Variants in HPD observed in about 807,000 individuals in gnomAD.
The protein encoded by HPD is 4-hydroxyphenylpyruvate dioxygenase, also known as 4-hydroxyphenylpyruvic acid oxidase.
A neutral mutation model predicts 56.9 loss-of-function variants in HPD; 35 were observed. The observed-to-expected ratio is 0.62, with a 90% CI of 0.47 to 0.82. The LOEUF is 0.82. Ranked by LOEUF, HPD falls within the 40% of genes least tolerant of loss-of-function variation. The pLI, the probability that HPD is intolerant of heterozygous loss-of-function variation, is 0.00. For missense variants in HPD, 442 were observed against 506.8 expected (o/e 0.87, Z 1.23); for synonymous variants, 186 against 200.2 (o/e 0.93, Z 0.60).
chr12:121,845,580 G>A (rs544579293), intron 11 of HPD, among the ~76,000 whole-genome samples: 6 of 143,226 alleles, frequency 4.2e-5, no homozygotes, highest in Non-Finnish European at 6.0e-5. Flanking sequence ...CAGCCTGGGC[G>A]ACAGAGCCAG....
At chr12:121,859,303 C>T (rs769724006), upstream of HPD, 6 of 260,646 alleles carry the variant, frequency 2.3e-5, no homozygotes, top group African/African-American at 6.6e-5. Context: ...TGCATCCTGG[C>T]TCTGTTACAT....
At chr12:121,849,656 T>G in intron 8 of HPD, 31 bp downstream of exon 8, 3 of 1,427,200 alleles carry the variant, frequency 2.1e-6, no homozygotes, top group Non-Finnish European at 3.0e-6. Flanking sequence ...CTCAGGGCTT[T>G]CCACCCACCT....
At chr12:121,840,491 G>A (rs1207506082) in intron 12 of HPD, among the ~76,000 whole-genome samples, 1 of 151,934 alleles carries the variant, frequency 6.6e-6, no homozygotes, top group African/African-American at 2.4e-5. Context: ...AGTAAGACGG[G>A]GTTTCACGAT....
At chr12:121,886,547 C>T in the HPD span, among the ~76,000 whole-genome samples, 3 of 150,616 alleles carry the variant, frequency 2.0e-5, no homozygotes, top group Non-Finnish European at 4.4e-5. Flanking sequence ...CATGCTTATA[C>T]TCTTCACGTG....
chr12:121,864,853 A>C (rs1024906928), upstream of HPD, among the ~76,000 whole-genome samples: 67 of 89,644 alleles, frequency 7.5e-4, 1 homozygote, highest in Non-Finnish European at 1.7e-4. Flanking sequence ...ACTCCGTCTC[A>C]AAAACAACAA....
At chr12:121,882,422 C>G in the HPD span, among the ~76,000 whole-genome samples, 7 of 152,106 alleles carry the variant, frequency 4.6e-5, no homozygotes, top group African/African-American at 1.7e-4. Flanking sequence ...TGAAGTTCTC[C>G]TAGATCTTGG....
At chr12:121,858,734 A>G (rs761290685) in intron 1 of HPD, 21 bp from the exon 2 acceptor site, 7 of 1,614,060 alleles carry the variant, frequency 4.3e-6, no homozygotes, top group Non-Finnish European at 5.9e-6. Flanking sequence ...AAAGAAGGAC[A>G]GTGAGACTTG....
At chr12:121,886,739 T>G in the HPD span, among the ~76,000 whole-genome samples, 6,344 of 152,160 alleles carry the variant, frequency 0.042, 422 homozygotes, top group African/African-American at 0.14. Flanking sequence ...ACTGAGGAAA[T>G]TTAACACTGA....
At chr12:121,868,668 G>A in the HPD span, among the ~76,000 whole-genome samples, 1 of 151,712 alleles carries the variant, frequency 6.6e-6, no homozygotes, top group Non-Finnish European at 1.5e-5. Context: ...TTACAGGCCT[G>A]TGCCCCCATG....
In HPD at chr12:121,854,127, G is replaced by A. The variant is rs1318219601; in HGVS notation, c.414+576C>T. On this transcript the variant is annotated intron_variant, in intron 7 of 13. Coordinates refer to ENST00000289004, the MANE Select transcript of HPD (RefSeq NM_002150.3). Reference sequence around the variant, plus strand: ...AAAAATTAGCCGGGCATGGTGGCACGCACTTGTGGTCCCAACTACTCGGGA... The same window carrying A: ...AAAAATTAGCCGGGCATGGTGGCACACACTTGTGGTCCCAACTACTCGGGA... Among the ~76,000 whole-genome samples the A allele has an allele frequency of 1.1e-4, 17 of 151,718 alleles. No homozygotes were observed. In the South Asian group the frequency reaches 1.3e-3, roughly 11 times the overall value.
At chr12:121,875,984 C>A in the HPD span, among the ~76,000 whole-genome samples, 1 of 152,010 alleles carries the variant, frequency 6.6e-6, no homozygotes, top group South Asian at 2.1e-4. Context: ...AGAGAAGAGA[C>A]AGCATTGGTG....
upstream of HPD, among the ~76,000 whole-genome samples, chr12:121,862,856 A>AT (rs1878218797): frequency 6.8e-6 from 1 of 147,636 alleles, no homozygotes; most frequent in South Asian, 2.1e-4. Flanking sequence ...AATGTTTTGT[A>AT]TTTTTAGTAG....
upstream of HPD, chr12:121,863,661 T>A (rs1878243990): frequency 6.6e-6 from 1 of 152,112 alleles, no homozygotes; most frequent in Admixed American, 6.6e-5. Context: ...ACACCTGTAA[T>A]CCCAGCACTT....
rs190080957 is a variant in HPD at position 121,848,604 on chromosome 12, G to A, written c.596+395C>T. On this transcript the variant is annotated intron_variant, in intron 9 of 13. Transcript: ENST00000289004. ...TGGGATTACAGGCGTGAGCAAGTGC[G>A]CCCGGTCTATTTTATTTTATTTGTT... Among the ~76,000 whole-genome samples the A allele has an allele frequency of 2.3e-3, 342 of 151,454 alleles. 1 individual carries two copies. The highest frequency in any genetic ancestry group is 7.9e-3 in the African/African-American group (324 of 41,162).
chr12:121,847,024 C>T (rs1877609438), intron 10 of HPD, 28 bp downstream of exon 10: 3 of 1,613,982 alleles, frequency 1.9e-6, no homozygotes, highest in Non-Finnish European at 2.5e-6. Flanking sequence ...TCCCTGCTCC[C>T]CTCTCCCCCA....
At chr12:121,852,791 T>C (rs1877854421) in intron 7 of HPD, among the ~76,000 whole-genome samples, 1 of 151,882 alleles carries the variant, frequency 6.6e-6, no homozygotes, top group Admixed American at 6.6e-5. Context: ...CACACCACCA[T>C]GCCTGGCTAA....
At chr12:121,841,799 C>T (rs1269992126) in intron 12 of HPD, among the ~76,000 whole-genome samples, 3 of 152,010 alleles carry the variant, frequency 2.0e-5, no homozygotes. Context: ...ATTCTCCGGC[C>T]TCAGGCTCCC....
At chr12:121,862,605 T>C (rs1878207858), upstream of HPD, among the ~76,000 whole-genome samples, 1 of 136,894 alleles carries the variant, frequency 7.3e-6, no homozygotes, top group South Asian at 2.5e-4. Context: ...CCTTTTTTTT[T>C]TTTTTTTTTT....
chr12:121,879,762 AT>A, the HPD span, among the ~76,000 whole-genome samples: 1 of 152,142 alleles, frequency 6.6e-6, no homozygotes. Flanking sequence ...ACTTATGCTA[AT>A]TTTTTTACAT....
Sources: allele counts gnomAD v4.1 joint callset (sites outside exome capture counted in the v4.1 genomes callset), GRCh38; gene constraint gnomAD v4.1.1; transcripts MANE v1.5; gene names NCBI Gene and HGNC (gene_info 2026-07-23, HGNC 2026-07-21).